Variants in CBR4 observed in about 807,000 individuals in gnomAD.
The protein encoded by CBR4 is 3-oxoacyl-[acyl-carrier-protein] reductase.
CBR4 carries 22 observed loss-of-function variants against 21.0 expected under a neutral mutation model. The observed-to-expected ratio is 1.05, with a 90% CI of 0.75 to 1.50. The LOEUF is 1.50. CBR4 is among the 40% of genes most tolerant of loss of function. The pLI is 0.00. For missense variants in CBR4, 302 were observed against 286.3 expected (o/e 1.05, Z -0.40); for synonymous variants, 100 against 104.4 (o/e 0.96, Z 0.26).
At chr4:168,955,520 T>A (rs559934136) in intron 2 of CBR4, among the ~76,000 whole-genome samples, 1 of 152,354 alleles carries the variant, frequency 6.6e-6, no homozygotes, top group Admixed American at 6.5e-5. Context: ...ACATATTTTA[T>A]GCTACTATAG....
At chr4:168,973,317 T>C (rs1052285667) in intron 2 of CBR4, among the ~76,000 whole-genome samples, 1 of 152,112 alleles carries the variant, frequency 6.6e-6, no homozygotes, top group Non-Finnish European at 1.5e-5. Context: ...GATTCTCTCT[T>C]TATCTTTTGG....
chr4:168,923,930 C>G (rs113559030), intron 2 of CBR4, among the ~76,000 whole-genome samples: 1 of 17,428 alleles, frequency 5.7e-5, no homozygotes, highest in South Asian at 4.5e-3. Context: ...AACATAATCA[C>G]TAGTAGTGAA....
intron 2 of CBR4, among the ~76,000 whole-genome samples, chr4:168,937,217 C>T (rs928661074): frequency 4.6e-5 from 7 of 152,148 alleles, no homozygotes; most frequent in African/African-American, 1.4e-4. Flanking sequence ...AACTAAGCTT[C>T]ATAAGCGAAG....
chr4:169,006,056 T>C, intron 3 of CBR4: 1 of 433,234 alleles, frequency 2.3e-6, no homozygotes, highest in Non-Finnish European at 4.2e-6. Flanking sequence ...CCCTGTGGGT[T>C]AGATGAACTG....
Position 168,989,731 on chromosome 4 carries a change from T to C in CBR4, c.*419A>G. 4.1e-6 allele frequency: 4 copies of C among 983,184 alleles called. No individual in the cohort carries two copies. Among genetic ancestry groups the C allele is most frequent in the Non-Finnish European group, 4.8e-6 (4 of 827,702 alleles). The allele number at this position is 983,184 out of a possible 1,614,324, so 60.9% of individuals were successfully genotyped here. A position where few individuals can be genotyped will look rare whatever the true frequency, so the allele number is the denominator to read the frequency against. ...CAAAATATATAAATCAATACTTGTT[T>C]ATATGACTTGCAAAATGTCTATACA... On this transcript the variant is annotated 3_prime_UTR_variant, in exon 5 of 5. Coordinates refer to ENST00000306193, the MANE Select transcript of CBR4 (RefSeq NM_032783.5).
Position 168,990,241 on chromosome 4 carries a change from T to G in CBR4, c.623A>C (p.Glu208Ala). The G allele has an allele frequency of 6.2e-7, 1 of 1,613,738 alleles. No individual in the cohort carries two copies. Among genetic ancestry groups the G allele is most frequent in the South Asian group, 1.1e-5 (1 of 91,044 alleles). Reference protein sequence around the residue: ...IPLGRFGETIEVAHAVVFLLE... With the variant: ...IPLGRFGETIAVAHAVVFLLE... Reference sequence around the variant, plus strand: ...AAGAAACACAACCGCATGTGCCACCTCAATAGTTTCTCCAAACCTCCCAAG... The same window carrying G: ...AAGAAACACAACCGCATGTGCCACCGCAATAGTTTCTCCAAACCTCCCAAG... The change falls in exon 5 of 5, where the codon GAG becomes GCG. Residue 208 changes from glutamate (E) to alanine (A), a missense_variant. Glu to Ala is a moderately radical substitution (Grantham distance 107). Transcript: ENST00000306193.
chr4:168,925,531 T>C (rs187374121), intron 2 of CBR4: 1 of 490,832 alleles, frequency 2.0e-6, no homozygotes, highest in East Asian at 3.8e-5. Flanking sequence ...TGCGTACTTT[T>C]GTGGCTTAGT....
rs1343801550 is a variant in CBR4 at position 168,913,866 on chromosome 4, A to G, written n.170-19101T>C. The G allele has an allele frequency of 6.5e-6, 7 of 1,076,338 alleles. No individual in the cohort carries two copies. In the East Asian group the frequency reaches 1.4e-4, roughly 22 times the overall value. The allele number at this position is 1,076,338 out of a possible 1,614,324, so 66.7% of individuals were successfully genotyped here. On this transcript the variant is annotated intron_variant and non_coding_transcript_variant, in intron 2 of 3. Transcript: ENST00000509108. ...TATAGAGAATAGGACAGTAGGCATG[A>G]TAGTGCTTAGTGGTTAATAGTTTTA...
chr4:168,956,395 G>A (rs1447398329), intron 2 of CBR4, among the ~76,000 whole-genome samples: 1 of 151,576 alleles, frequency 6.6e-6, no homozygotes, highest in African/African-American at 2.4e-5. Context: ...AGAAATTCAA[G>A]ACCAGCCTGG....
chr4:168,917,990 G>A (rs1294431380), intron 2 of CBR4, among the ~76,000 whole-genome samples: 2 of 152,026 alleles, frequency 1.3e-5, no homozygotes, highest in Non-Finnish European at 2.9e-5. Context: ...CACGAGGTCA[G>A]GAGTTTGAGA....
intron 2 of CBR4, chr4:168,915,864 T>A (rs1759980474): frequency 6.3e-7 from 1 of 1,586,814 alleles, no homozygotes; most frequent in Non-Finnish European, 8.7e-7. Context: ...TATCTATATT[T>A]CTATCTATCT....
chr4:168,992,091 A>G (rs894562901), intron 4 of CBR4, among the ~76,000 whole-genome samples: 5 of 152,238 alleles, frequency 3.3e-5, no homozygotes, highest in African/African-American at 1.2e-4. Flanking sequence ...GCAGTTATAA[A>G]TATCTACGCA....
chr4:168,928,305 G>GCCA (rs557921336), intron 2 of CBR4: 2 of 167,832 alleles, frequency 1.2e-5, no homozygotes, highest in African/African-American at 5.1e-5. Context: ...GCATTATTTT[G>GCCA]CCACCTTTAT....
intron 2 of CBR4, among the ~76,000 whole-genome samples, chr4:168,922,130 CACACACACACACA>C (rs1761701907): frequency 1.3e-5 from 2 of 148,580 alleles, no homozygotes; most frequent in Middle Eastern, 3.6e-3. Context: ...CACACACACA[CACACACACACACA>C]CCTGGTTTTT....
intron 2 of CBR4, among the ~76,000 whole-genome samples, chr4:168,977,753 T>C (rs1764415098): frequency 6.6e-6 from 1 of 152,214 alleles, no homozygotes. Flanking sequence ...AAACCTGCTC[T>C]TATGCAGTGT....
In CBR4 at chr4:168,989,354, TCTTCA is replaced by T; in HGVS notation, c.*791_*795del. On this transcript the variant is annotated 3_prime_UTR_variant, in exon 5 of 5. Transcript: ENST00000306193. ...GTATTAAAACCTTAAGGGCTAATCCTCTTCACTTATGAGAATTTCTCAAGAATGAG... is the reference window on the plus strand; with the variant it reads ...GTATTAAAACCTTAAGGGCTAATCCTCTTATGAGAATTTCTCAAGAATGAG... 1.0e-6 allele frequency: 1 copy of T among 985,418 alleles called. No individual in the cohort carries two copies. The allele number at this position is 985,418 out of a possible 1,614,324, so 61.0% of individuals were successfully genotyped here.
chr4:168,927,494 G>C, intron 2 of CBR4: 1 of 232,544 alleles, frequency 4.3e-6, no homozygotes, highest in African/African-American at 2.2e-5. Context: ...AATGGATTGA[G>C]ACTGCATGGT....
At chr4:168,956,636 A>T (rs895441178) in intron 2 of CBR4, among the ~76,000 whole-genome samples, 2 of 150,028 alleles carry the variant, frequency 1.3e-5, no homozygotes. Flanking sequence ...AACAGAATGG[A>T]AATAATATTT....
chr4:169,007,774 A>G lies in CBR4; in HGVS notation c.143-18T>C, dbSNP rs1731045131. ...ATGATCTCCTACACAACAAAGTTAA[A>G]TAAGAATTACTTATAACTCAAATTT... On this transcript the variant is annotated intron_variant, in intron 1 of 4. Transcript: ENST00000306193. 2 of 1,553,320 alleles carry G rather than the reference A, an allele frequency of 1.3e-6. No individual in the cohort carries two copies. Among genetic ancestry groups the G allele is most frequent in the Non-Finnish European group, 8.7e-7 (1 of 1,150,954 alleles).
Sources: gnomAD v4.1 joint callset for allele counts (sites outside exome capture counted in the v4.1 genomes callset) on GRCh38, gnomAD v4.1.1 for gene constraint, MANE v1.5 for transcripts, NCBI Gene and HGNC (gene_info 2026-07-23, HGNC 2026-07-21) for gene names.